The following PIEZO1 variants were observed in gnomAD, a reference collection of about 807,000 sequenced individuals.
The protein encoded by PIEZO1 is piezo-type mechanosensitive ion channel component 1.
A neutral mutation model predicts 297.2 loss-of-function variants in PIEZO1; 296 were observed. That is an observed-to-expected ratio of 1.00 (90% CI 0.91 to 1.10). The LOEUF (loss-of-function observed/expected upper bound fraction) is 1.10. Ranked by LOEUF, PIEZO1 falls within the 50% of genes least tolerant of loss-of-function variation. The probability of loss-of-function intolerance (pLI) is 0.00; values close to 1 mark genes in which losing one functional copy is unlikely to be tolerated. For missense variants in PIEZO1, 5,018 were observed against 3,455.5 expected (o/e 1.45, Z -11.34); for synonymous variants, 2,427 against 1,507.5 (o/e 1.61, Z -14.13).
chr16:88,720,104 T>C lies in PIEZO1; in HGVS notation c.6129A>G (p.Leu2043=), dbSNP rs1020388833. The C allele has an allele frequency of 5.8e-6, 9 of 1,550,190 alleles. No homozygotes were observed. Among genetic ancestry groups the C allele is most frequent in the African/African-American group, 1.4e-5 (1 of 73,024 alleles). ...FQVALVLAIH[L]WMFFILPAVT... is the part of the protein sequence containing the mutation. Reference sequence around the variant, plus strand: ...CGGCGGGCAGGATGAAGAACATCCATAGGTGGATGGCCAGCACCAGCGCCA... The same window carrying C: ...CGGCGGGCAGGATGAAGAACATCCACAGGTGGATGGCCAGCACCAGCGCCA... The change falls in exon 42 of 51, where the codon CTA becomes CTG. Residue 2043 remains leucine, a synonymous_variant. Transcript: ENST00000301015.
intron 1 of PIEZO1, among the ~76,000 whole-genome samples, chr16:88,784,661 C>T (rs899518005): frequency 6.6e-6 from 1 of 151,732 alleles, no homozygotes; most frequent in Non-Finnish European, 1.5e-5. Context: ...CCCGTGGGCA[C>T]GCGGTGCCGT....
chr16:88,740,129 T>A (rs1905542720), intron 5 of PIEZO1: 1 of 152,128 alleles, frequency 6.6e-6, no homozygotes, highest in African/African-American at 2.4e-5. Context: ...CCAGCACCCC[T>A]CGGGCTGGCT....
intron 44 of PIEZO1, chr16:88,719,297 G>T (rs866197150): frequency 1.4e-5 from 6 of 432,010 alleles, no homozygotes; most frequent in Middle Eastern, 6.4e-4. Flanking sequence ...GCAAACAGTG[G>T]CTGTCCGGTC....
In PIEZO1 at chr16:88,735,033, G is replaced by A. The variant is rs1381941690; in HGVS notation, c.1690C>T (p.Leu564=). 1.3e-6 allele frequency: 2 copies of A among 1,550,440 alleles called. No homozygotes were observed. The highest frequency in any genetic ancestry group is 1.2e-5 in the South Asian group (1 of 84,070). Residue 564 remains leucine (L), a synonymous_variant, in exon 14 of 51, where the codon CTG becomes TTG. Coordinates refer to ENST00000301015, the MANE Select transcript of PIEZO1 (RefSeq NM_001142864.4). ...ADTEPTRTQT[L]LQSLGELVKG... is the part of the protein sequence containing the mutation. ...ACCAGCTCCCCCAGGCTCTGCAACAGCGTCTGCGTCCGCGTGGGCTCTGTG... is the reference window on the plus strand; with the variant it reads ...ACCAGCTCCCCCAGGCTCTGCAACAACGTCTGCGTCCGCGTGGGCTCTGTG...
chr16:88,776,892 CAGG>C (rs1907691668), intron 1 of PIEZO1, among the ~76,000 whole-genome samples: 1 of 152,196 alleles, frequency 6.6e-6, no homozygotes, highest in South Asian at 2.1e-4. Context: ...CCCCGCCCGG[CAGG>C]AGATCTGGGC....
intron 28 of PIEZO1, 26 bp downstream of exon 28, chr16:88,725,569 G>A (rs1213580339): frequency 1.3e-6 from 2 of 1,530,996 alleles, no homozygotes; most frequent in East Asian, 2.4e-5. Flanking sequence ...GAGGAGCCGG[G>A]GAGTCCCCGC....
At chr16:88,722,783 G>A (rs1904289923) in intron 34 of PIEZO1, 54 bp downstream of exon 34, 3 of 1,531,502 alleles carry the variant, frequency 2.0e-6, no homozygotes, top group Non-Finnish European at 2.6e-6. Context: ...TGTTAAGCAG[G>A]CAGGGGCGTA....
rs866417753 is a variant in PIEZO1, at chr16:88,736,415, G to A, written c.1297-7C>T. On this transcript the variant is annotated splice_region_variant and splice_polypyrimidine_tract_variant and intron_variant, in intron 11 of 50. Transcript: ENST00000301015. Reference sequence around the variant, plus strand: ...GGTAGGTGATGCTCCATACCTGCGCGGCAGAGAGGGCTGCACAGCTGCCCA... The same window carrying A: ...GGTAGGTGATGCTCCATACCTGCGCAGCAGAGAGGGCTGCACAGCTGCCCA... 20 of 1,537,122 alleles carry A rather than the reference G, an allele frequency of 1.3e-5. No individual in the cohort carries two copies. In the Middle Eastern group the frequency reaches 1.0e-3, roughly 79 times the overall value.
chr16:88,715,346 TCCA>T lies in PIEZO1; in HGVS notation c.*256_*258del, dbSNP rs1911900367. On this transcript the variant is annotated 3_prime_UTR_variant, in exon 51 of 51. Coordinates refer to ENST00000301015, the MANE Select transcript of PIEZO1 (RefSeq NM_001142864.4). Reference sequence around the variant, plus strand: ...AGGACGGGGGACTGGCCTCTGATTGTCCATTTGTATAAATAAAACATTTTTTAA... The same window carrying T: ...AGGACGGGGGACTGGCCTCTGATTGTTTTGTATAAATAAAACATTTTTTAA... 7.0e-6 allele frequency: 9 copies of T among 1,292,288 alleles called. No individual in the cohort carries two copies. Among genetic ancestry groups the T allele is most frequent in the African/African-American group, 3.0e-5 (2 of 66,768 alleles). 80.1% of individuals were successfully genotyped at this position (1,292,288 alleles called of 1,614,324 possible).
chr16:88,756,639 G>A (rs1906669759), intron 1 of PIEZO1, among the ~76,000 whole-genome samples: 1 of 152,132 alleles, frequency 6.6e-6, no homozygotes. Flanking sequence ...GTGGTGGTGG[G>A]TGCCTGTAGT....
chr16:88,756,125 G>A (rs1430576397), intron 1 of PIEZO1, among the ~76,000 whole-genome samples: 5 of 152,112 alleles, frequency 3.3e-5, no homozygotes, highest in East Asian at 1.9e-4. Flanking sequence ...GGGGCTCTGC[G>A]GCCGCCATCT....
At chr16:88,725,946 C>T in intron 27 of PIEZO1, 1 of 568,666 alleles carries the variant, frequency 1.8e-6, no homozygotes, top group South Asian at 2.2e-5. Flanking sequence ...CAAAGCTGGC[C>T]CCAAGCCAGA....
chr16:88,763,518 AAAAAC>A (rs1194156455), intron 1 of PIEZO1, among the ~76,000 whole-genome samples: 1 of 152,204 alleles, frequency 6.6e-6, no homozygotes, highest in African/African-American at 2.4e-5. Flanking sequence ...TCCCGATTTA[AAAAAC>A]AAAACAAAAC....
At chr16:88,731,962 G>GGGGGGGGGGGGGGTGC in intron 21 of PIEZO1, 52 bp from the exon 22 acceptor site, 1 of 118,602 alleles carries the variant, frequency 8.4e-6, no homozygotes, top group Non-Finnish European at 2.0e-5. Flanking sequence ...TGGGGGGAGG[G>GGGGGGGGGGGGGGTGC]ACTTTCTTGT....
At chr16:88,732,917 AC>A (rs1442087401) in intron 19 of PIEZO1, 185 bp from the exon 20 acceptor site, 1 of 628,184 alleles carries the variant, frequency 1.6e-6, no homozygotes, top group African/African-American at 1.8e-5. Context: ...CAGGGAGACC[AC>A]GGGCAGGGGC....
At position 88,719,714 on chromosome 16, in the gene PIEZO1, G is replaced by A. The variant is rs1478430052; in HGVS notation, c.6331C>T (p.Leu2111=). ...CGCAGCTCCACCAGGAACGGCACCA[G>A]CCGGAACCTGCCCACAGCCAGGGTT... is the stretch of plus-strand genomic sequence containing the variant. The part of the protein sequence containing the change: ...LNLFLFQGFR[L]VPFLVELRAV... Residue 2111 remains leucine (L), a synonymous_variant, in exon 44 of 51, where the codon CTG becomes TTG. Coordinates refer to ENST00000301015, the MANE Select transcript of PIEZO1 (RefSeq NM_001142864.4). 41 of 1,550,992 alleles carry A rather than the reference G, an allele frequency of 2.6e-5. No individual in the cohort carries two copies. The highest frequency in any genetic ancestry group is 1.7e-4 in the Middle Eastern group (1 of 6,016).
At chr16:88,748,226 C>T (rs535755665) in intron 2 of PIEZO1, among the ~76,000 whole-genome samples, 113 of 152,350 alleles carry the variant, frequency 7.4e-4, no homozygotes, top group African/African-American at 2.5e-3. Context: ...GCCCCACCCA[C>T]GTTTGGCCCA....
intron 1 of PIEZO1, among the ~76,000 whole-genome samples, chr16:88,769,970 GC>G (rs1907348747): frequency 6.6e-6 from 1 of 152,282 alleles, no homozygotes; most frequent in African/African-American, 2.4e-5. Flanking sequence ...GGGCTCTGAG[GC>G]CCTCCTAACC....
intron 2 of PIEZO1, among the ~76,000 whole-genome samples, chr16:88,748,975 C>T (rs992231702): frequency 1.6e-4 from 23 of 144,300 alleles, no homozygotes; most frequent in East Asian, 1.0e-3. Flanking sequence ...CGGTGGCTCA[C>T]GTCTGTAATC....
Sources: gnomAD v4.1 joint callset for allele counts (sites outside exome capture counted in the v4.1 genomes callset) on GRCh38, gnomAD v4.1.1 for gene constraint, MANE v1.5 for transcripts, NCBI Gene and HGNC (gene_info 2026-07-23, HGNC 2026-07-21) for gene names.